Variants in BACC1 observed in about 807,000 individuals in gnomAD.
The protein encoded by BACC1 is BPTF associated chromatin complex component 1.
At chr17:7,017,100 C>G in the BACC1 span, 4 of 1,529,180 alleles carry the variant, frequency 2.6e-6, no homozygotes, top group Non-Finnish European at 3.6e-6. Flanking sequence ...CCGCAGGGGC[C>G]CCTCCCTTGT....
chr17:7,017,131 G>C, the BACC1 span: 3 of 1,534,978 alleles, frequency 2.0e-6, no homozygotes, highest in Non-Finnish European at 2.7e-6. Flanking sequence ...CAGAAGAGAA[G>C]GTGCTCTCAT....
chr17:7,016,595 G>C, the BACC1 span: 2 of 1,614,028 alleles, frequency 1.2e-6, no homozygotes, highest in Admixed American at 1.7e-5. Flanking sequence ...GGTGGCATCT[G>C]GTGTCTTGTC....
the BACC1 span, chr17:7,016,855 G>A: frequency 8.3e-6 from 13 of 1,562,980 alleles, no homozygotes; most frequent in Non-Finnish European, 1.1e-5. Flanking sequence ...GAAGCTTGGG[G>A]CTGGGGGAGA....
At chr17:7,017,037 A>G in the BACC1 span, 1 of 1,594,092 alleles carries the variant, frequency 6.3e-7, no homozygotes, top group Non-Finnish European at 8.6e-7. Context: ...CTCCTCCCAC[A>G]CAGCTGACGG....
chr17:7,016,158 G>C, the BACC1 span: 1 of 517,668 alleles, frequency 1.9e-6, no homozygotes, highest in Non-Finnish European at 3.4e-6. Context: ...AAATGTTTGA[G>C]GACCCCACTG....
chr17:7,017,148 C>T, the BACC1 span: 23 of 1,555,316 alleles, frequency 1.5e-5, no homozygotes, highest in Admixed American at 1.2e-4. Flanking sequence ...TCATACACAG[C>T]GCAGGGCATT....
chr17:7,015,981 C>T, the BACC1 span: 1 of 880,014 alleles, frequency 1.1e-6, no homozygotes, highest in Non-Finnish European at 1.8e-6. Context: ...TGCTTCCCTA[C>T]TTTGTCACTA....
the BACC1 span, chr17:7,017,431 G>A: frequency 3.6e-5 from 36 of 1,005,766 alleles, no homozygotes; most frequent in African/African-American, 2.4e-4. Context: ...CTGCCACCTC[G>A]CTATTCCCGC....
chr17:7,015,611 A>C, the BACC1 span: 1 of 1,358,022 alleles, frequency 7.4e-7, no homozygotes, highest in Non-Finnish European at 9.8e-7. Flanking sequence ...GCAGGGCCTC[A>C]AGAGCTTTCC....
At chr17:7,015,112 G>T in the BACC1 span, 1 of 1,582,608 alleles carries the variant, frequency 6.3e-7, no homozygotes. Context: ...AGCTCGGGGA[G>T]CTGACGATGC....
At chr17:7,015,459 G>A in the BACC1 span, 1 of 1,373,444 alleles carries the variant, frequency 7.3e-7, no homozygotes, top group Non-Finnish European at 9.4e-7. Context: ...AGGCTGTGTT[G>A]GTGGGTCTGT....
chr17:7,016,969 G>A, the BACC1 span: 13 of 1,614,138 alleles, frequency 8.1e-6, no homozygotes, highest in Non-Finnish European at 1.1e-5. Flanking sequence ...GGATATTGAA[G>A]GGCTAGGAGA....
chr17:7,016,925 C>G, the BACC1 span: 1 of 1,613,856 alleles, frequency 6.2e-7, no homozygotes. Context: ...ACACTCAGTG[C>G]TCTGAACGAC....
chr17:7,015,111 AGCTGACGATGCAGCTGCATCCCGTG>A, the BACC1 span: 1 of 1,580,928 alleles, frequency 6.3e-7, no homozygotes, highest in Non-Finnish European at 8.5e-7. Flanking sequence ...AAGCTCGGGG[AGCTGACGATGCAGCTGCATCCCGTG>A]GCCGACTCTT....
the BACC1 span, chr17:7,015,019 G>A: frequency 6.9e-7 from 1 of 1,439,606 alleles, no homozygotes; most frequent in East Asian, 2.9e-5. Flanking sequence ...GGCGGGACGG[G>A]GAGGGCGGGC....
the BACC1 span, chr17:7,014,958 C>G: frequency 6.8e-7 from 1 of 1,461,200 alleles, no homozygotes; most frequent in Non-Finnish European, 9.0e-7. This position sits in a 1 kb window ranked among gnomAD's most constrained non-coding sequence, Gnocchi z 4.5. Context: ...CTCTTCCGCC[C>G]CGGGCGGGGG....
the BACC1 span, chr17:7,014,878 G>A: frequency 6.5e-7 from 1 of 1,535,496 alleles, no homozygotes; most frequent in Non-Finnish European, 8.7e-7. This position sits in a 1 kb window ranked among gnomAD's most constrained non-coding sequence, Gnocchi z 4.5. Context: ...CGTCCACAAA[G>A]GTTCGACCTC....
At chr17:7,016,747 T>C in the BACC1 span, 3 of 1,563,068 alleles carry the variant, frequency 1.9e-6, no homozygotes, top group Admixed American at 1.9e-5. Flanking sequence ...AGTGAGAGAA[T>C]TGGGCCTGGG....
chr17:7,017,314 C>A, the BACC1 span: 10 of 1,612,120 alleles, frequency 6.2e-6, no homozygotes, highest in Admixed American at 1.5e-4. Flanking sequence ...CCTCTCCTCT[C>A]CTGCTGAGCC....
Sources: gnomAD v4.1 joint callset for allele counts on GRCh38, gnomAD v4.1.1 for gene constraint, Gnocchi (gnomAD v3.1) non-coding constraint, MANE v1.5 for transcripts, NCBI Gene and HGNC (gene_info 2026-07-23, HGNC 2026-07-21) for gene names.